The following KCND3 variants were observed in gnomAD, a reference collection of about 807,000 sequenced individuals.
The protein encoded by KCND3 is A-type voltage-gated potassium channel KCND3.
KCND3 carries 9 observed loss-of-function variants against 51.1 expected under a neutral mutation model. The observed-to-expected ratio is 0.18, with a 90% CI of 0.11 to 0.31. The LOEUF (loss-of-function observed/expected upper bound fraction) is 0.31, where lower values mean the gene tolerates loss of function less well. KCND3 is among the 10% of genes least tolerant of loss of function. KCND3 has a pLI of 1.00. For synonymous variants in KCND3, 349 were observed against 368.0 expected (o/e 0.95, Z 0.59); for missense variants, 526 against 903.8 (o/e 0.58, Z 5.36).
At chr1:111,852,569 T>C (rs1404129259) in intron 2 of KCND3, among the ~76,000 whole-genome samples, 1 of 152,026 alleles carries the variant, frequency 6.6e-6, no homozygotes, top group East Asian at 1.9e-4. Flanking sequence ...TGAAATCGAA[T>C]CCATAATCCA....
At chr1:111,907,768 G>A (rs1045653204) in intron 2 of KCND3, among the ~76,000 whole-genome samples, 3 of 152,222 alleles carry the variant, frequency 2.0e-5, no homozygotes, top group Non-Finnish European at 4.4e-5. Context: ...ATAGGGCTTA[G>A]AACAGACCAG....
intron 2 of KCND3, among the ~76,000 whole-genome samples, chr1:111,803,015 G>A (rs1571661809): frequency 6.6e-6 from 1 of 152,354 alleles, no homozygotes; most frequent in Non-Finnish European, 1.5e-5. Flanking sequence ...TGTGGGGTGA[G>A]GAGGCTCCTC....
At chr1:111,912,091 A>G (rs1670977274) in intron 2 of KCND3, among the ~76,000 whole-genome samples, 1 of 152,258 alleles carries the variant, frequency 6.6e-6, no homozygotes. Context: ...GAAACTCCAT[A>G]AGGCTGGAGA....
intron 2 of KCND3, among the ~76,000 whole-genome samples, chr1:111,890,775 G>A (rs1669786981): frequency 6.6e-6 from 1 of 152,162 alleles, no homozygotes; most frequent in Admixed American, 6.5e-5. Flanking sequence ...GACCTGGAGA[G>A]TGTGGTGTCC....
In KCND3 at chr1:111,777,287, AAGG is replaced by A. The variant is rs772508641; in HGVS notation, c.1519-17_1519-15del. 83 of 1,613,918 alleles carry A rather than the reference AAGG, an allele frequency of 5.1e-5. No homozygotes were observed. The highest frequency in any genetic ancestry group is 6.8e-5 in the Non-Finnish European group (80 of 1,179,960). On this transcript the variant is annotated splice_polypyrimidine_tract_variant and intron_variant, in intron 6 of 7. Coordinates refer to ENST00000302127, the MANE Select transcript of KCND3 (RefSeq NM_001378969.1). Reference sequence around the variant, plus strand: ...AAACTCGTGGTTCTGCGGGAGGCAGAAGGAGAAGAAGTAGGAAAAGGAGGTAGG... The same window carrying A: ...AAACTCGTGGTTCTGCGGGAGGCAGAAGAAGAAGTAGGAAAAGGAGGTAGG...
At chr1:111,808,545 T>C (rs17028620) in intron 2 of KCND3, among the ~76,000 whole-genome samples, 12,447 of 152,282 alleles carry the variant, frequency 0.082, 896 homozygotes, top group African/African-American at 0.18. Context: ...GGTCTGCTTC[T>C]TGACCCTTTT....
intron 2 of KCND3, among the ~76,000 whole-genome samples, chr1:111,821,760 G>A (rs1246538827): frequency 6.6e-6 from 1 of 152,204 alleles, no homozygotes; most frequent in Non-Finnish European, 1.5e-5. Flanking sequence ...CTGCCAGCAG[G>A]CATGGCCTCC....
intron 2 of KCND3, among the ~76,000 whole-genome samples, chr1:111,959,427 T>G (rs1273688138): frequency 6.6e-6 from 1 of 152,126 alleles, no homozygotes; most frequent in Non-Finnish European, 1.5e-5. Context: ...GGGTCTTCTG[T>G]TACTTCCCTT....
chr1:111,967,754 T>C (rs1674088522), intron 2 of KCND3, among the ~76,000 whole-genome samples: 1 of 152,192 alleles, frequency 6.6e-6, no homozygotes, highest in South Asian at 2.1e-4. Flanking sequence ...AGTGAGAGAT[T>C]TAAGCCTTGT....
intron 2 of KCND3, among the ~76,000 whole-genome samples, chr1:111,889,279 C>T (rs1480146791): frequency 6.6e-6 from 1 of 152,200 alleles, no homozygotes; most frequent in African/African-American, 2.4e-5. Context: ...TGAGTGACGG[C>T]CCCTGGCCCT....
intron 2 of KCND3, among the ~76,000 whole-genome samples, chr1:111,852,570 C>A (rs1415252867): frequency 6.6e-6 from 1 of 152,108 alleles, no homozygotes; most frequent in East Asian, 1.9e-4. Flanking sequence ...GAAATCGAAT[C>A]CATAATCCAG....
chr1:111,962,202 G>T (rs1348261536), intron 2 of KCND3, among the ~76,000 whole-genome samples: 1 of 152,208 alleles, frequency 6.6e-6, no homozygotes, highest in Non-Finnish European at 1.5e-5. Context: ...GAGGTTCACA[G>T]GTGGGTTTCT....
chr1:111,850,728 C>A (rs1199401100), intron 2 of KCND3, among the ~76,000 whole-genome samples: 1 of 152,194 alleles, frequency 6.6e-6, no homozygotes, highest in East Asian at 1.9e-4. Context: ...GAAGCCCAAG[C>A]AGTGGCCCTT....
intron 3 of KCND3, among the ~76,000 whole-genome samples, chr1:111,782,039 T>C (rs1664411647): frequency 6.6e-6 from 1 of 152,040 alleles, no homozygotes; most frequent in Admixed American, 6.6e-5. Context: ...AGCAGACCCA[T>C]CCTGGAGTAG....
At chr1:111,888,580 G>A (rs1201563273) in intron 2 of KCND3, among the ~76,000 whole-genome samples, 1 of 151,822 alleles carries the variant, frequency 6.6e-6, no homozygotes, top group East Asian at 1.9e-4. Context: ...TACTCGGGAG[G>A]CTGAGGAAGG....
At chr1:111,873,690 T>C (rs1668928851) in intron 2 of KCND3, among the ~76,000 whole-genome samples, 1 of 152,124 alleles carries the variant, frequency 6.6e-6, no homozygotes, top group Non-Finnish European at 1.5e-5. Context: ...ATGCTTATTA[T>C]AGACTTGTTC....
At chr1:111,917,295 G>A (rs1414604547) in intron 2 of KCND3, among the ~76,000 whole-genome samples, 1 of 152,164 alleles carries the variant, frequency 6.6e-6, no homozygotes, top group African/African-American at 2.4e-5. Context: ...ATGCAAACTG[G>A]AAATAAGTAA....
rs1673563003 is a variant in KCND3, at chr1:111,960,097, C to G, written c.1106+21524G>C. ...CACCATGATTGTAAGTTTCCTGAGG[C>G]CTCCCCAGCCATTCAGAACTGTGAG... On this transcript the variant is annotated intron_variant, in intron 2 of 7. Transcript: ENST00000302127. Among the ~76,000 whole-genome samples the G allele has an allele frequency of 2.6e-5, 4 of 152,216 alleles. No homozygotes were observed. In the South Asian group the frequency reaches 8.3e-4, roughly 32 times the overall value.
chr1:111,918,850 G>A (rs1431171599), intron 2 of KCND3, among the ~76,000 whole-genome samples: 1 of 152,032 alleles, frequency 6.6e-6, no homozygotes. Context: ...TCTGTGCATG[G>A]GTTATACCCT....
Sources: allele counts gnomAD v4.1 joint callset (sites outside exome capture counted in the v4.1 genomes callset), GRCh38; gene constraint gnomAD v4.1.1; transcripts MANE v1.5; gene names NCBI Gene and HGNC (gene_info 2026-07-23, HGNC 2026-07-21).